Variants in MOGAT2 observed in about 807,000 individuals in gnomAD.
The protein encoded by MOGAT2 is monoacylglycerol O-acyltransferase 2, also known as 2-acylglycerol O-acyltransferase 2.
Under a neutral mutation model 31.5 loss-of-function variants are expected in MOGAT2, and 27 were observed. The observed-to-expected ratio is 0.86, with a 90% CI of 0.63 to 1.18. The LOEUF (loss-of-function observed/expected upper bound fraction) is 1.18. Among genes scored for constraint, MOGAT2 ranks in the 50% most tolerant of loss-of-function variants. MOGAT2 has a pLI of 0.00. For synonymous variants in MOGAT2, 163 were observed against 170.0 expected, an observed-to-expected ratio of 0.96 and a Z score of 0.32; for missense variants, 436 against 433.2, an observed-to-expected ratio of 1.01 and a Z score of -0.06.
At chr11:75,724,620 C>T (rs1158103782) in intron 2 of MOGAT2, among the ~76,000 whole-genome samples, 3 of 151,894 alleles carry the variant, frequency 2.0e-5, no homozygotes, top group Non-Finnish European at 2.9e-5. Flanking sequence ...TGAGATCACG[C>T]CATTGCACTC....
intron 2 of MOGAT2, among the ~76,000 whole-genome samples, chr11:75,722,004 T>C (rs1223793502): frequency 2.0e-5 from 3 of 152,150 alleles, no homozygotes; most frequent in Non-Finnish European, 4.4e-5. Context: ...ATGGGGGTGC[T>C]GGGCAGACAG....
chr11:75,730,980 A>G (rs1365641389), intron 5 of MOGAT2, 152 bp from the exon 6 acceptor site: 3 of 481,870 alleles, frequency 6.2e-6, no homozygotes, highest in Non-Finnish European at 1.1e-5. Flanking sequence ...ATTATATCAG[A>G]ATCTTGGAGT....
At chr11:75,718,021 A>C (rs762738382) in intron 1 of MOGAT2, 42 bp downstream of exon 1, 2 of 1,580,744 alleles carry the variant, frequency 1.3e-6, no homozygotes, top group Middle Eastern at 1.7e-4. Flanking sequence ...CACCGCACTC[A>C]GGTGGGGCAG....
chr11:75,727,677 CAA>C lies in MOGAT2; in HGVS notation c.475+40_475+41del, dbSNP rs758565427. The C allele has an allele frequency of 6.1e-5, 96 of 1,580,452 alleles. 1 individual carries two copies. Among genetic ancestry groups the C allele is most frequent in the Middle Eastern group, 5.1e-4 (3 of 5,900 alleles). On this transcript the variant is annotated intron_variant, in intron 3 of 5. Coordinates refer to ENST00000198801, the MANE Select transcript of MOGAT2 (RefSeq NM_025098.4). ...ACCCCTGAGCAGCTCAGGAAGGTAACAAATTTTCGGAAGGGTTGCCAATAGTT... is the reference window on the plus strand; with the variant it reads ...ACCCCTGAGCAGCTCAGGAAGGTAACATTTTCGGAAGGGTTGCCAATAGTT...
chr11:75,720,992 A>T (rs763403341), intron 2 of MOGAT2, among the ~76,000 whole-genome samples: 6 of 152,096 alleles, frequency 3.9e-5, no homozygotes, highest in Non-Finnish European at 7.4e-5. Context: ...GTGATGGTTT[A>T]TTGGCCAGAA....
intron 2 of MOGAT2, among the ~76,000 whole-genome samples, chr11:75,725,155 A>G (rs1377045849): frequency 6.6e-6 from 1 of 152,144 alleles, no homozygotes. Context: ...TTTGGTAGAT[A>G]TTGTCAAATT....
At chr11:75,730,962 C>A (rs1944473365) in intron 5 of MOGAT2, 170 bp from the exon 6 acceptor site, 1 of 434,300 alleles carries the variant, frequency 2.3e-6, no homozygotes, top group Non-Finnish European at 4.0e-6. Context: ...AGAAATCCAG[C>A]CGTTGTTATT....
chr11:75,731,478 C>T lies in MOGAT2; in HGVS notation c.*192C>T, dbSNP rs1944479528. The T allele has an allele frequency of 3.6e-6, 2 of 559,754 alleles. No individual in the cohort carries two copies. Among genetic ancestry groups the T allele is most frequent in the Admixed American group, 6.6e-5 (2 of 30,178 alleles). The allele number at this position is 559,754 out of a possible 1,614,324, so 34.7% of individuals were successfully genotyped here. ...ACCAAGGGGTCAGCTGGGGCTAGGA[C>T]AGTGAGGGCTGCTAGAGGGGCTGGG... On this transcript the variant is annotated 3_prime_UTR_variant, in exon 6 of 6. Transcript: ENST00000198801.
chr11:75,725,464 T>C (rs919367285), intron 2 of MOGAT2, among the ~76,000 whole-genome samples: 2 of 151,994 alleles, frequency 1.3e-5, no homozygotes, highest in South Asian at 4.2e-4. Context: ...ATAAAAATTG[T>C]TTGAACCTGG....
In MOGAT2 at chr11:75,728,892, G is replaced by A. The variant is rs761657918; in HGVS notation, c.753G>A (p.Gln251=). The A allele has an allele frequency of 4.3e-6, 7 of 1,614,194 alleles. No homozygotes were observed. The South Asian group carries it at 7.7e-5, about 18-fold the overall frequency. The change falls in exon 5 of 6, where the codon CAG becomes CAA. Residue 251 remains glutamine, a synonymous_variant. Coordinates refer to ENST00000198801, the MANE Select transcript of MOGAT2 (RefSeq NM_025098.4). ...SWLRYIQNRL[Q]KIMGISLPLF... ...TACGCTATATCCAGAATCGGTTGCAGAAGATCATGGGCATCTCCCTCCCAC... is the reference window on the plus strand; with the variant it reads ...TACGCTATATCCAGAATCGGTTGCAAAAGATCATGGGCATCTCCCTCCCAC...
chr11:75,728,600 G>A (rs1329924198), intron 4 of MOGAT2, 190 bp from the exon 5 acceptor site: 8 of 609,244 alleles, frequency 1.3e-5, no homozygotes, highest in Non-Finnish European at 1.7e-5. Flanking sequence ...GCCCTGCAAG[G>A]GACCTGCCCA....
In MOGAT2 at chr11:75,727,954, T is replaced by C. The variant is rs376744554; in HGVS notation, c.476-16T>C. 8.9e-5 allele frequency: 142 copies of C among 1,588,360 alleles called. No homozygotes were observed. The highest frequency in any genetic ancestry group is 1.2e-4 in the Non-Finnish European group (135 of 1,166,738). On this transcript the variant is annotated splice_polypyrimidine_tract_variant and intron_variant, in intron 3 of 5. Coordinates refer to ENST00000198801, the MANE Select transcript of MOGAT2 (RefSeq NM_025098.4). Reference sequence around the variant, plus strand: ...CTCCCTCACCCCATACCTGACCCACTTTTCTCTTTCCCTAGGGTTGGTCAC... The same window carrying C: ...CTCCCTCACCCCATACCTGACCCACCTTTCTCTTTCCCTAGGGTTGGTCAC...
At chr11:75,724,154 G>A (rs1227984545) in intron 2 of MOGAT2, among the ~76,000 whole-genome samples, 1 of 152,192 alleles carries the variant, frequency 6.6e-6, no homozygotes, top group African/African-American at 2.4e-5. Context: ...GTGGAACCCT[G>A]GTGACATGCC....
chr11:75,721,319 G>A (rs918892776), intron 2 of MOGAT2, among the ~76,000 whole-genome samples: 2 of 151,946 alleles, frequency 1.3e-5, no homozygotes, highest in African/African-American at 4.8e-5. Context: ...GTCTCGCTCT[G>A]TCACCCAGGC....
Position 75,727,506 on chromosome 11 carries a change from A to C in MOGAT2, c.342A>C (p.Ala114=). ...IAGFHPHGVL[A]VGAFANLCTE... ...GCTTCCACCCCCATGGAGTCCTGGC[A>C]GTCGGAGCCTTTGCCAACCTGTGCA... The change falls in exon 3 of 6, where the codon GCA becomes GCC. Residue 114 remains alanine, a synonymous_variant. Transcript: ENST00000198801. 10 of 1,614,144 alleles carry C rather than the reference A, an allele frequency of 6.2e-6. No individual in the cohort carries two copies. Among genetic ancestry groups the C allele is most frequent in the Non-Finnish European group, 8.5e-6 (10 of 1,180,026 alleles).
At chr11:75,726,187 AGGC>A (rs1944419852) in intron 2 of MOGAT2, among the ~76,000 whole-genome samples, 1 of 152,230 alleles carries the variant, frequency 6.6e-6, no homozygotes, top group Non-Finnish European at 1.5e-5. Context: ...GGCCAGACCC[AGGC>A]AAGCTGCTGC....
intron 5 of MOGAT2, among the ~76,000 whole-genome samples, chr11:75,730,838 G>A (rs3740844): frequency 0.062 from 9,340 of 149,626 alleles, 924 homozygotes; most frequent in African/African-American, 0.21. Flanking sequence ...GAACCAGGAC[G>A]CAGGAGGCAG....
chr11:75,727,913 A>G (rs1055566210), intron 3 of MOGAT2, 57 bp from the exon 4 acceptor site: 10 of 1,492,306 alleles, frequency 6.7e-6, no homozygotes, highest in African/African-American at 5.6e-5. Context: ...GGCTACATGT[A>G]CTTTCATAGC....
intron 4 of MOGAT2, chr11:75,728,353 G>A: frequency 1.4e-6 from 1 of 694,330 alleles, no homozygotes; most frequent in Non-Finnish European, 2.6e-6. Flanking sequence ...AAACTAGGTG[G>A]CAATGAACAT....
Sources: allele counts gnomAD v4.1 joint callset (sites outside exome capture counted in the v4.1 genomes callset), GRCh38; gene constraint gnomAD v4.1.1; transcripts MANE v1.5; gene names NCBI Gene and HGNC (gene_info 2026-07-23, HGNC 2026-07-21).